Variants in NEXMIF observed in about 807,000 individuals in gnomAD.
NEXMIF encodes the protein neurite extension and migration factor.
In NEXMIF, 8 loss-of-function variants were observed where a neutral mutation model predicts 62.1. The ratio of observed to expected loss-of-function variants is 0.13; its 90% CI spans 0.08 to 0.23. The LOEUF (loss-of-function observed/expected upper bound fraction) is 0.23. Among genes scored for constraint, NEXMIF ranks in the 10% least tolerant of loss-of-function variants. The pLI is 1.00. For missense variants in NEXMIF, 976 were observed against 1,113.3 expected, an observed-to-expected ratio of 0.88 and a Z score of 1.75; for synonymous variants, 404 against 416.6, an observed-to-expected ratio of 0.97 and a Z score of 0.37.
intron 1 of NEXMIF, among the ~76,000 whole-genome samples, chrX:74,875,090 T>C (rs1433122763): frequency 8.9e-6 from 1 of 111,816 alleles, no homozygotes; most frequent in East Asian, 2.8e-4. Flanking sequence ...AAGGGAATGC[T>C]TCCAGTTTTT....
At position 74,814,387 on chromosome X, in the gene NEXMIF, C is replaced by T. The variant is rs199703334; in HGVS notation, c.-47-68690G>A. On this transcript the variant is annotated intron_variant, in intron 1 of 3. Coordinates refer to ENST00000055682, the MANE Select transcript of NEXMIF (RefSeq NM_001008537.3). Reference sequence around the variant, plus strand: ...TAAGGAATATAAAGTCATGCTACTGCTTTAAGTCAACATTCACAGTGCTAT... The same window carrying T: ...TAAGGAATATAAAGTCATGCTACTGTTTTAAGTCAACATTCACAGTGCTAT... Among the ~76,000 whole-genome samples, 52 of 112,168 alleles carry T rather than the reference C, an allele frequency of 4.6e-4. No homozygotes were observed. In the East Asian group the frequency reaches 7.3e-3, roughly 16 times the overall value.
chrX:74,925,332 G>A lies in NEXMIF; in HGVS notation c.-497C>T. Reference sequence around the variant, plus strand: ...GCGAGAGGGAGAGAGGAGGGCGGCTGCTACTGTCGCTATAGCTGTTAAAGC... The same window carrying A: ...GCGAGAGGGAGAGAGGAGGGCGGCTACTACTGTCGCTATAGCTGTTAAAGC... On this transcript the variant is annotated 5_prime_UTR_variant, in exon 1 of 4. Coordinates refer to ENST00000055682, the MANE Select transcript of NEXMIF (RefSeq NM_001008537.3). The A allele has an allele frequency of 7.6e-6, 1 of 132,143 alleles. No homozygotes were observed. Among genetic ancestry groups the A allele is most frequent in the Non-Finnish European group, 1.6e-5 (1 of 64,253 alleles). The allele number at this position is 132,143 out of a possible 1,213,427, so 10.9% of individuals were successfully genotyped here.
intron 1 of NEXMIF, among the ~76,000 whole-genome samples, chrX:74,836,613 G>A (rs971425791): frequency 9.0e-6 from 1 of 111,222 alleles, no homozygotes; most frequent in Non-Finnish European, 1.9e-5. Flanking sequence ...AGGGCCTCAC[G>A]ACTCTGCCTG....
intron 1 of NEXMIF, among the ~76,000 whole-genome samples, chrX:74,800,334 C>T (rs1002823554): frequency 6.3e-5 from 7 of 111,087 alleles, no homozygotes; most frequent in Non-Finnish European, 1.3e-4. Flanking sequence ...AATGCCCTTG[C>T]GTGCTGTGAG....
chrX:74,862,015 T>A (rs1461684281), intron 1 of NEXMIF, among the ~76,000 whole-genome samples: 1 of 111,477 alleles, frequency 9.0e-6, no homozygotes, highest in African/African-American at 3.3e-5. Context: ...TAAATGTAAA[T>A]GGACTAATGC....
At chrX:74,745,541 ATAT>A in intron 2 of NEXMIF, 28 bp downstream of exon 2, 1 of 987,212 alleles carries the variant, frequency 1.0e-6, no homozygotes, top group East Asian at 3.1e-5. Context: ...ACCAGGAGAG[ATAT>A]TAATATACTA....
At position 74,737,791 on chromosome X, in the gene NEXMIF, T is replaced by C. The variant is rs1393300597; in HGVS notation, c.*1614A>G. 9.0e-6 allele frequency: 1 copy of C among 111,493 alleles called. No homozygotes were observed. The highest frequency in any genetic ancestry group is 3.3e-5 in the African/African-American group (1 of 30,524). 9.2% of individuals were successfully genotyped at this position (111,493 alleles called of 1,213,427 possible). On this transcript the variant is annotated 3_prime_UTR_variant, in exon 4 of 4. Transcript: ENST00000055682. ...TTTTGAAACATCTTCCCTTTTTTTG[T>C]TAAATCCCCTTTTTCCCTTCCCACT...
At chrX:74,856,964 C>T (rs1181499474) in intron 1 of NEXMIF, among the ~76,000 whole-genome samples, 1 of 112,275 alleles carries the variant, frequency 8.9e-6, no homozygotes, top group Non-Finnish European at 1.9e-5. Flanking sequence ...ATGGAGAACG[C>T]ATGTAGAGCA....
chrX:74,741,903 T>C lies in NEXMIF; in HGVS notation c.2654A>G (p.Tyr885Cys), dbSNP rs1276495540. Residue 885 changes from tyrosine (Y) to cysteine (C), a missense_variant, in exon 3 of 4, where the codon TAT becomes TGT. By Grantham distance (194) the Tyr-to-Cys change is radical. This residue lies in a region of NEXMIF where 639 missense variants were observed against 694.5 expected (regional missense o/e 0.92). Coordinates refer to ENST00000055682, the MANE Select transcript of NEXMIF (RefSeq NM_001008537.3). The part of the protein sequence containing the change: ...SHNFKMESSN[Y>C]RNVWPNKATS... Reference sequence around the variant, plus strand: ...AGCCTTGTTGGGCCACACATTTCTATAGTTGCTTGATTCCATTTTGAAGTT... The same window carrying C: ...AGCCTTGTTGGGCCACACATTTCTACAGTTGCTTGATTCCATTTTGAAGTT... 1.7e-6 allele frequency: 2 copies of C among 1,211,923 alleles called. No individual in the cohort carries two copies. Among genetic ancestry groups the C allele is most frequent in the African/African-American group, 3.5e-5 (2 of 57,863 alleles).
intron 1 of NEXMIF, among the ~76,000 whole-genome samples, chrX:74,874,844 G>A (rs1488381410): frequency 3.8e-5 from 4 of 104,191 alleles, no homozygotes; most frequent in Non-Finnish European, 5.8e-5. Context: ...CATTGATTTT[G>A]TATCCTGAGA....
chrX:74,758,291 T>C (rs914962367), intron 1 of NEXMIF, among the ~76,000 whole-genome samples: 2 of 111,599 alleles, frequency 1.8e-5, no homozygotes, highest in Admixed American at 9.6e-5. Flanking sequence ...GGAAACATGA[T>C]GTCATTAAGA....
intron 1 of NEXMIF, chrX:74,769,771 T>C (rs1009378833): frequency 9.1e-6 from 5 of 550,786 alleles, no homozygotes; most frequent in Middle Eastern, 4.3e-4. Flanking sequence ...AGAGATTGTA[T>C]ATGAAAAGGA....
chrX:74,832,120 C>A (rs1426808998), intron 1 of NEXMIF, among the ~76,000 whole-genome samples: 2 of 111,661 alleles, frequency 1.8e-5, no homozygotes, highest in South Asian at 3.7e-4. Context: ...GTAATACCGC[C>A]CTCACAGAAT....
At chrX:74,857,316 C>G (rs143980163) in intron 1 of NEXMIF, among the ~76,000 whole-genome samples, 1 of 112,224 alleles carries the variant, frequency 8.9e-6, no homozygotes, top group East Asian at 2.8e-4. Flanking sequence ...CATCTTGGCT[C>G]CCTGCTCAGC....
At chrX:74,859,807 G>C (rs993532889) in intron 1 of NEXMIF, among the ~76,000 whole-genome samples, 1 of 111,582 alleles carries the variant, frequency 9.0e-6, no homozygotes, top group African/African-American at 3.2e-5. Flanking sequence ...TTGCTTGCTT[G>C]TTTGTTTATG....
At chrX:74,810,144 T>C (rs2080356104) in intron 1 of NEXMIF, among the ~76,000 whole-genome samples, 1 of 112,218 alleles carries the variant, frequency 8.9e-6, no homozygotes, top group Non-Finnish European at 1.9e-5. Context: ...TACTTGAAAG[T>C]TGCAATCCTT....
chrX:74,814,246 G>A (rs931792730), intron 1 of NEXMIF, among the ~76,000 whole-genome samples: 1 of 111,836 alleles, frequency 8.9e-6, no homozygotes, highest in African/African-American at 3.2e-5. Flanking sequence ...GAAAAGCCAA[G>A]AACAGGCCAT....
intron 1 of NEXMIF, among the ~76,000 whole-genome samples, chrX:74,883,298 A>G (rs775355487): frequency 1.8e-5 from 2 of 112,107 alleles, no homozygotes; most frequent in Admixed American, 1.9e-4. Context: ...TGGATGGAGA[A>G]TGACTTTGAC....
intron 1 of NEXMIF, among the ~76,000 whole-genome samples, chrX:74,770,466 T>C (rs1335523803): frequency 8.9e-6 from 1 of 112,337 alleles, no homozygotes; most frequent in Non-Finnish European, 1.9e-5. Flanking sequence ...CTTTTTGTCA[T>C]TGGCATATTG....
Sources: gnomAD v4.1 joint callset for allele counts (sites outside exome capture counted in the v4.1 genomes callset) on GRCh38, gnomAD v4.1.1 for gene constraint, gnomAD v4.1.1 regional missense constraint, MANE v1.5 for transcripts, NCBI Gene and HGNC (gene_info 2026-07-23, HGNC 2026-07-21) for gene names.